Variants in CHODL observed in about 807,000 individuals in gnomAD.
CHODL encodes chondrolectin.
Under a neutral mutation model 34.5 loss-of-function variants are expected in CHODL, and 29 were observed. The observed-to-expected ratio is 0.84, with a 90% confidence interval of 0.63 to 1.15. The LOEUF is 1.15. Ranked by LOEUF, CHODL falls within the 50% of genes most tolerant of loss-of-function variation. CHODL has a pLI of 0.00. For missense variants in CHODL, 332 were observed against 332.5 expected, an observed-to-expected ratio of 1.00 and a Z score of 0.01; for synonymous variants, 125 against 116.1, an observed-to-expected ratio of 1.08 and a Z score of -0.49.
intron 1 of CHODL, among the ~76,000 whole-genome samples, chr21:17,980,366 G>A (rs158003): frequency 0.016 from 2,368 of 152,196 alleles, 60 homozygotes; most frequent in African/African-American, 0.053. Context: ...AGAAATGTAC[G>A]CTCTCCAGTA....
intron 2 of CHODL, among the ~76,000 whole-genome samples, chr21:18,060,862 A>C (rs776864542): frequency 2.0e-4 from 31 of 152,132 alleles, no homozygotes; most frequent in Non-Finnish European, 3.2e-4. Context: ...CTGTGAAAAG[A>C]GATAATAGCT....
chr21:18,133,175 T>C (rs1289558255), intron 2 of CHODL, among the ~76,000 whole-genome samples: 1 of 152,162 alleles, frequency 6.6e-6, no homozygotes, highest in Non-Finnish European at 1.5e-5. Flanking sequence ...AGTTTTCTGA[T>C]TGTCAAAACA....
intron 2 of CHODL, among the ~76,000 whole-genome samples, chr21:18,088,864 C>T (rs2065038948): frequency 6.6e-6 from 1 of 152,150 alleles, no homozygotes; most frequent in African/African-American, 2.4e-5. Context: ...GACTAGATTG[C>T]CAGTGAGTTA....
chr21:18,134,486 A>G (rs2072696458), intron 2 of CHODL, among the ~76,000 whole-genome samples: 1 of 152,204 alleles, frequency 6.6e-6, no homozygotes, highest in African/African-American at 2.4e-5. Flanking sequence ...ATTGAACTGT[A>G]TACAATATAG....
At chr21:18,250,893 G>A (rs999277390) in intron 1 of CHODL, among the ~76,000 whole-genome samples, 7 of 151,650 alleles carry the variant, frequency 4.6e-5, no homozygotes, top group Non-Finnish European at 8.8e-5. Flanking sequence ...TAATTGAACA[G>A]CAGGAATTTG....
chr21:17,984,553 A>G (rs1374920624), intron 1 of CHODL, among the ~76,000 whole-genome samples: 1 of 151,932 alleles, frequency 6.6e-6, no homozygotes, highest in African/African-American at 2.4e-5. Context: ...TCTTTTGTAC[A>G]TGACTTTTTT....
intron 2 of CHODL, among the ~76,000 whole-genome samples, chr21:18,086,985 C>T (rs529358392): frequency 3.3e-5 from 5 of 152,206 alleles, no homozygotes; most frequent in Admixed American, 2.0e-4. Flanking sequence ...TGTGGGTGTT[C>T]CTGGTAGCTG....
At chr21:18,122,746 A>T (rs1245451067) in intron 2 of CHODL, among the ~76,000 whole-genome samples, 3 of 152,236 alleles carry the variant, frequency 2.0e-5, no homozygotes, top group Admixed American at 2.0e-4. Context: ...CTGGATATTT[A>T]AAAAATGCGT....
chr21:18,046,498 G>A, intron 2 of CHODL, among the ~76,000 whole-genome samples: 1 of 151,874 alleles, frequency 6.6e-6, no homozygotes. Context: ...TGGATGTAAG[G>A]AATCAAAGAT....
At chr21:18,152,904 CA>C (rs2072988572) in intron 2 of CHODL, among the ~76,000 whole-genome samples, 1 of 152,146 alleles carries the variant, frequency 6.6e-6, no homozygotes. Flanking sequence ...AAGGAATAGC[CA>C]CCATCATCAG....
At chr21:18,140,217 C>A (rs543082261) in intron 2 of CHODL, among the ~76,000 whole-genome samples, 1 of 152,278 alleles carries the variant, frequency 6.6e-6, no homozygotes, top group African/African-American at 2.4e-5. Context: ...GGATAATTTG[C>A]TCCTTGACCT....
chr21:18,097,788 A>G (rs1390040848), intron 2 of CHODL, among the ~76,000 whole-genome samples: 3 of 152,076 alleles, frequency 2.0e-5, no homozygotes, highest in African/African-American at 7.2e-5. Flanking sequence ...GAACAAAACT[A>G]GTGGAATCAC....
At chr21:18,234,522 T>A (rs2146760849) in intron 2 of CHODL, among the ~76,000 whole-genome samples, 1 of 152,246 alleles carries the variant, frequency 6.6e-6, no homozygotes, top group East Asian at 1.9e-4. Context: ...TATGGGTAAC[T>A]CATGAAAGAA....
intron 1 of CHODL, among the ~76,000 whole-genome samples, chr21:17,996,802 T>C (rs1252664331): frequency 6.6e-6 from 1 of 152,170 alleles, no homozygotes. Flanking sequence ...GTTGACTATT[T>C]TTGCAGAATT....
chr21:17,976,270 GAAAA>G (rs71318119), intron 1 of CHODL, among the ~76,000 whole-genome samples: 13 of 66,524 alleles, frequency 2.0e-4, no homozygotes, highest in Middle Eastern at 0.014. Context: ...GACCATCTCA[GAAAA>G]AAAAAAAAAA....
intron 2 of CHODL, among the ~76,000 whole-genome samples, chr21:18,186,410 TAAAA>T (rs34659673): frequency 6.8e-6 from 1 of 146,134 alleles, no homozygotes; most frequent in African/African-American, 2.5e-5. Context: ...AAAAAAAAAT[TAAAA>T]AAAAAAAGTC....
intron 3 of CHODL, among the ~76,000 whole-genome samples, 194 bp downstream of exon 3, chr21:18,257,321 A>G (rs1358616739): frequency 1.3e-5 from 2 of 152,224 alleles, no homozygotes; most frequent in Non-Finnish European, 2.9e-5. Context: ...ATGAGCTCAA[A>G]GAAGAGAGTA....
intron 2 of CHODL, among the ~76,000 whole-genome samples, chr21:18,186,302 C>T (rs1004087242): frequency 2.6e-5 from 4 of 151,594 alleles, no homozygotes; most frequent in Admixed American, 6.6e-5. Context: ...GGGAGAAAAA[C>T]GTTTGGATTG....
intron 1 of CHODL, among the ~76,000 whole-genome samples, chr21:17,923,533 C>T (rs888365154): frequency 1.3e-5 from 2 of 149,410 alleles, no homozygotes; most frequent in Admixed American, 1.3e-4. Context: ...ACAATCTCGG[C>T]TCACTGCAAC....
Sources: gnomAD v4.1 joint callset for allele counts (sites outside exome capture counted in the v4.1 genomes callset) on GRCh38, gnomAD v4.1.1 for gene constraint, MANE v1.5 for transcripts, NCBI Gene and HGNC (gene_info 2026-07-23, HGNC 2026-07-21) for gene names.